The following RASEF variants were observed in gnomAD, a reference collection of about 807,000 sequenced individuals.
RASEF encodes the protein ras and EF-hand domain-containing protein.
Under a neutral mutation model 90.1 loss-of-function variants are expected in RASEF, and 68 were observed. The ratio of observed to expected loss-of-function variants is 0.75; its 90% CI spans 0.62 to 0.92. The LOEUF is 0.92. Among genes scored for constraint, RASEF ranks in the 40% least tolerant of loss-of-function variants. RASEF has a pLI of 0.00. For missense variants in RASEF, 949 were observed against 937.2 expected, an observed-to-expected ratio of 1.01 and a Z score of -0.16; for synonymous variants, 331 against 345.2, an observed-to-expected ratio of 0.96 and a Z score of 0.46.
chr9:82,991,686 T>A (rs754607870), intron 15 of RASEF, among the ~76,000 whole-genome samples: 1 of 152,224 alleles, frequency 6.6e-6, no homozygotes, highest in Non-Finnish European at 1.5e-5. Context: ...TGTTGACTTC[T>A]ACATCCAGGA....
Position 83,012,474 on chromosome 9 carries a change from T to A in RASEF, c.803A>T (p.Asp268Val). 6.3e-7 allele frequency: 1 copy of A among 1,592,170 alleles called. No homozygotes were observed. Among genetic ancestry groups the A allele is most frequent in the East Asian group, 2.3e-5 (1 of 43,402 alleles). Reference protein sequence around the residue: ...EQSKRVSQKEDVAALKKQIYD... With the variant: ...EQSKRVSQKEVVAALKKQIYD... ...AATTTGTTTTTTCAATGCAGCCACA[T>A]CTTCCTTTTGACTTACGCGTTTTGA... Residue 268 changes from aspartate (D) to valine (V), a missense_variant, in exon 5 of 17, where the codon GAT becomes GTT. Asp to Val is a radical substitution (Grantham distance 152, BLOSUM62 -3). Around this residue, in one of 3 missense-constraint regions of RASEF, gnomAD observed 656 missense variants for 592.2 expected, o/e 1.11. Transcript: ENST00000376447.
the RASEF span, among the ~76,000 whole-genome samples, chr9:83,089,903 TAGATA>T: frequency 2.8e-3 from 385 of 138,220 alleles, 2 homozygotes; most frequent in African/African-American, 9.6e-3. Flanking sequence ...GATAGATAGA[TAGATA>T]GATAGATAGA....
chr9:83,064,552 T>C (rs1173762066), upstream of RASEF, among the ~76,000 whole-genome samples: 1 of 152,190 alleles, frequency 6.6e-6, no homozygotes, highest in African/African-American at 2.4e-5. Flanking sequence ...CTTTGAACTA[T>C]TATTATATTT....
chr9:83,024,044 C>G (rs1441966580), intron 2 of RASEF, among the ~76,000 whole-genome samples: 1 of 152,192 alleles, frequency 6.6e-6, no homozygotes, highest in East Asian at 1.9e-4. Flanking sequence ...CAGTGCAGAA[C>G]AAAATGGCCA....
intron 14 of RASEF, among the ~76,000 whole-genome samples, chr9:82,995,193 C>T (rs1828893277): frequency 6.6e-6 from 1 of 152,186 alleles, no homozygotes; most frequent in Non-Finnish European, 1.5e-5. Context: ...TGGCAGTGGG[C>T]CACTCTACAT....
At chr9:83,169,594 GTTTT>G in the RASEF span, among the ~76,000 whole-genome samples, 1 of 149,490 alleles carries the variant, frequency 6.7e-6, no homozygotes, top group South Asian at 2.1e-4. Flanking sequence ...TTGTTTGTTT[GTTTT>G]GTTTTTTGTT....
At chr9:83,142,169 GA>G in the RASEF span, among the ~76,000 whole-genome samples, 3 of 152,034 alleles carry the variant, frequency 2.0e-5, no homozygotes, top group African/African-American at 7.2e-5. Context: ...ATTCATGCAG[GA>G]AAAGAAAGCC....
At chr9:82,989,336 T>C (rs1231312221) in intron 16 of RASEF, among the ~76,000 whole-genome samples, 1 of 152,054 alleles carries the variant, frequency 6.6e-6, no homozygotes, top group Non-Finnish European at 1.5e-5. Context: ...GCCTTGCCTC[T>C]CATAAAAATG....
rs1004129970 is a variant in RASEF, at chr9:82,992,947, G to A, written c.1999C>T (p.Gln667Ter). The stretch of plus-strand genomic sequence containing the variant: ...CCAAAGTGCCCTGGGACACATTTTT[G>A]TCCCTCTGTAGCAGCAGTGTCACGA... ...DIRDTAATEGQKCVPGHFGEK... is the reference protein window; with the variant it reads ...DIRDTAATEG Residue 667 changes from glutamine to a stop codon, truncating the protein, a stop_gained, in exon 15 of 17, where the codon CAA becomes TAA. Coordinates refer to ENST00000376447, the MANE Select transcript of RASEF (RefSeq NM_152573.4). LOFTEE classifies it high-confidence loss of function. The A allele has an allele frequency of 6.2e-7, 1 of 1,613,752 alleles. No individual in the cohort carries two copies. Among genetic ancestry groups the A allele is most frequent in the Non-Finnish European group, 8.5e-7 (1 of 1,179,854 alleles).
chr9:83,215,415 G>A, the RASEF span, among the ~76,000 whole-genome samples: 53 of 152,178 alleles, frequency 3.5e-4, no homozygotes, highest in South Asian at 0.01. Context: ...GTAACACTGG[G>A]GCCACAGACA....
At chr9:83,109,437 G>A in the RASEF span, among the ~76,000 whole-genome samples, 6 of 152,138 alleles carry the variant, frequency 3.9e-5, no homozygotes, top group Non-Finnish European at 7.4e-5. Flanking sequence ...CTACTTGGTG[G>A]GAGGCCTGCC....
the RASEF span, chr9:83,201,248 C>T: frequency 2.0e-5 from 3 of 152,390 alleles, no homozygotes; most frequent in Admixed American, 2.0e-4. Context: ...ACACAGTTCT[C>T]CTCCACACAG....
the RASEF span, among the ~76,000 whole-genome samples, chr9:83,095,697 C>A: frequency 6.6e-6 from 1 of 151,752 alleles, no homozygotes; most frequent in Non-Finnish European, 1.5e-5. Context: ...GTGAATAAAT[C>A]TCCTTCCTTC....
the RASEF span, among the ~76,000 whole-genome samples, chr9:83,071,551 G>A: frequency 6.6e-6 from 1 of 151,950 alleles, no homozygotes; most frequent in Non-Finnish European, 1.5e-5. Flanking sequence ...AACCACAGGC[G>A]CACACCACCA....
At chr9:83,180,436 A>G in the RASEF span, among the ~76,000 whole-genome samples, 2 of 152,084 alleles carry the variant, frequency 1.3e-5, no homozygotes, top group African/African-American at 4.8e-5. Flanking sequence ...GTATCTTGCC[A>G]TAGTAAATGG....
In RASEF at chr9:83,025,949, C is replaced by G. The variant is rs988377783; in HGVS notation, c.432-28G>C. ...GCCAAATAAATAAATAAAAATTAAACCAATTATAAAATTTTAAAGGCAACT... is the reference window on the plus strand; with the variant it reads ...GCCAAATAAATAAATAAAAATTAAAGCAATTATAAAATTTTAAAGGCAACT... On this transcript the variant is annotated intron_variant, in intron 1 of 16. Coordinates refer to ENST00000376447, the MANE Select transcript of RASEF (RefSeq NM_152573.4). 7 of 1,524,358 alleles carry G rather than the reference C, an allele frequency of 4.6e-6. No homozygotes were observed. The Admixed American group carries it at 1.3e-4, about 28-fold the overall frequency. 94.4% of individuals were successfully genotyped at this position (1,524,358 alleles called of 1,614,324 possible).
intron 14 of RASEF, 115 bp from the exon 15 acceptor site, chr9:82,993,140 C>T (rs1421693731): frequency 6.9e-6 from 7 of 1,009,560 alleles, no homozygotes; most frequent in Non-Finnish European, 8.6e-6. Context: ...TGTGCCAAAT[C>T]CTATATAGAG....
At chr9:83,205,163 C>T in the RASEF span, among the ~76,000 whole-genome samples, 1 of 152,154 alleles carries the variant, frequency 6.6e-6, no homozygotes, top group South Asian at 2.1e-4. Flanking sequence ...TTAAGAAATA[C>T]ATCTATGGAA....
chr9:83,143,427 C>T, the RASEF span, among the ~76,000 whole-genome samples: 1 of 152,032 alleles, frequency 6.6e-6, no homozygotes. Flanking sequence ...CATGAATAGA[C>T]ACGTCTCAAA....
Sources: gnomAD v4.1 joint callset for allele counts (sites outside exome capture counted in the v4.1 genomes callset) on GRCh38, gnomAD v4.1.1 for gene constraint, gnomAD v4.1.1 regional missense constraint, MANE v1.5 for transcripts, NCBI Gene and HGNC (gene_info 2026-07-23, HGNC 2026-07-21) for gene names.